Variants in NMBR observed in about 807,000 individuals in gnomAD.
NMBR encodes neuromedin B receptor, also known as neuromedin-B receptor.
NMBR carries 16 observed loss-of-function variants against 20.5 expected under a neutral mutation model. That is an observed-to-expected ratio of 0.78 (90% CI 0.53 to 1.19). NMBR has a LOEUF of 1.19. Ranked by LOEUF, NMBR falls within the 50% of genes most tolerant of loss-of-function variation. NMBR has a pLI of 0.00. For synonymous variants in NMBR, 212 were observed against 196.6 expected, an observed-to-expected ratio of 1.08 and a Z score of -0.65; for missense variants, 582 against 499.1, an observed-to-expected ratio of 1.17 and a Z score of -1.58.
chr6:142,086,475 C>G (rs1777202506), intron 2 of NMBR, among the ~76,000 whole-genome samples: 2 of 152,054 alleles, frequency 1.3e-5, no homozygotes, highest in Admixed American at 6.5e-5. Flanking sequence ...CAATATATAA[C>G]AAACCATTTC....
At chr6:142,145,198 G>A (rs1378899119) in intron 1 of NMBR, among the ~76,000 whole-genome samples, 1 of 152,120 alleles carries the variant, frequency 6.6e-6, no homozygotes. Flanking sequence ...ATGAATGTAT[G>A]CAAATGAGAA....
At chr6:142,134,301 T>C (rs1157752631) in intron 1 of NMBR, among the ~76,000 whole-genome samples, 1 of 152,188 alleles carries the variant, frequency 6.6e-6, no homozygotes, top group Non-Finnish European at 1.5e-5. Context: ...TAAAATAAAC[T>C]ACTTCATCAT....
intron 1 of NMBR, among the ~76,000 whole-genome samples, chr6:142,093,866 C>A (rs1777386807): frequency 6.6e-6 from 1 of 152,080 alleles, no homozygotes; most frequent in South Asian, 2.1e-4. Flanking sequence ...GAGATGGTAT[C>A]TCCTTGTGGT....
At chr6:142,110,006 G>A (rs1287144032) in intron 1 of NMBR, among the ~76,000 whole-genome samples, 8 of 152,092 alleles carry the variant, frequency 5.3e-5, no homozygotes, top group Non-Finnish European at 1.2e-4. Context: ...TCAGTCTAAG[G>A]TATTTTGTTA....
intron 1 of NMBR, among the ~76,000 whole-genome samples, chr6:142,132,211 C>G (rs1428436194): frequency 6.6e-6 from 1 of 152,080 alleles, no homozygotes; most frequent in Non-Finnish European, 1.5e-5. Flanking sequence ...TTTGGCAGAT[C>G]ACAAGAAAAT....
At chr6:142,138,675 T>G (rs1778314328) in intron 1 of NMBR, among the ~76,000 whole-genome samples, 1 of 152,178 alleles carries the variant, frequency 6.6e-6, no homozygotes, top group South Asian at 2.1e-4. Context: ...ACCCCTTGAT[T>G]GCCTGCATTC....
chr6:142,142,351 T>C (rs1778374175), intron 1 of NMBR, among the ~76,000 whole-genome samples: 1 of 152,194 alleles, frequency 6.6e-6, no homozygotes, highest in African/African-American at 2.4e-5. Flanking sequence ...AATGTTGATA[T>C]TAAAAATTCT....
At chr6:142,144,104 G>A (rs1455768733) in intron 1 of NMBR, among the ~76,000 whole-genome samples, 2 of 152,208 alleles carry the variant, frequency 1.3e-5, no homozygotes, top group African/African-American at 4.8e-5. Context: ...GGCGGATGGG[G>A]TGGCAAATGG....
intron 1 of NMBR, among the ~76,000 whole-genome samples, chr6:142,144,659 A>G (rs1201286021): frequency 1.3e-5 from 2 of 152,168 alleles, no homozygotes; most frequent in African/African-American, 2.4e-5. Flanking sequence ...CACAGTCATT[A>G]ATATTTGTTT....
At chr6:142,083,249 T>C (rs560104501) in intron 2 of NMBR, among the ~76,000 whole-genome samples, 42 of 152,332 alleles carry the variant, frequency 2.8e-4, no homozygotes, top group Admixed American at 9.8e-4. Flanking sequence ...GTGCAGAAAC[T>C]ACAATTGATT....
At chr6:142,107,674 A>G (rs1334337151) in intron 1 of NMBR, among the ~76,000 whole-genome samples, 1 of 152,202 alleles carries the variant, frequency 6.6e-6, no homozygotes, top group Non-Finnish European at 1.5e-5. Context: ...ATTATGAAAC[A>G]TACAATGAAA....
chr6:142,141,587 C>G (rs1778362575), intron 1 of NMBR, among the ~76,000 whole-genome samples: 1 of 151,402 alleles, frequency 6.6e-6, no homozygotes, highest in Non-Finnish European at 1.5e-5. Flanking sequence ...TCACTGCAAC[C>G]TCTGCATCCT....
At chr6:142,116,695 G>T (rs974324254) in intron 1 of NMBR, among the ~76,000 whole-genome samples, 2 of 151,818 alleles carry the variant, frequency 1.3e-5, no homozygotes, top group African/African-American at 4.8e-5. Flanking sequence ...TTTTTAGCCA[G>T]GTATTATTTA....
chr6:142,076,362 TAA>T (rs1315137442), intron 3 of NMBR, among the ~76,000 whole-genome samples: 6 of 152,294 alleles, frequency 3.9e-5, no homozygotes, highest in Admixed American at 3.9e-4. Flanking sequence ...AACATAAATA[TAA>T]GTCATTTCTG....
intron 1 of NMBR, among the ~76,000 whole-genome samples, chr6:142,129,274 G>C (rs1231250577): frequency 6.6e-6 from 1 of 152,012 alleles, no homozygotes. Context: ...ACTAATAGTA[G>C]TAGTAGTAAA....
chr6:142,141,645 C>T (rs1582867348), intron 1 of NMBR, among the ~76,000 whole-genome samples: 2 of 150,976 alleles, frequency 1.3e-5, no homozygotes, highest in African/African-American at 4.9e-5. Context: ...GCTGGGATTA[C>T]AGGCACCCGC....
rs377186062 is a variant in NMBR, at chr6:142,125,871, C to CTG, written c.-664+21171_-664+21172dup. Among the ~76,000 whole-genome samples the CTG allele has an allele frequency of 4.0e-3, 598 of 150,474 alleles. 2 individuals carry two copies. The highest frequency in any genetic ancestry group is 0.013 in the African/African-American group (545 of 40,908). On this transcript the variant is annotated intron_variant, in intron 1 of 3. Transcript: ENST00000258042. ...TTATCTTTGTGTGTGTGATAATTAC[C>CTG]TGTGTGTGTGTGTGTGAACATATTC... is the stretch of plus-strand genomic sequence containing the variant.
intron 1 of NMBR, among the ~76,000 whole-genome samples, chr6:142,116,998 C>T (rs956477637): frequency 2.6e-5 from 4 of 151,878 alleles, no homozygotes; most frequent in Admixed American, 2.6e-4. Flanking sequence ...TTATTAAAAA[C>T]TTGTAGCACC....
intron 1 of NMBR, among the ~76,000 whole-genome samples, chr6:142,095,792 T>G (rs1777438063): frequency 6.6e-6 from 1 of 152,190 alleles, no homozygotes; most frequent in Admixed American, 6.5e-5. Context: ...TGGACTTTTT[T>G]TGGTTGGTAA....
Sources: gnomAD v4.1 joint callset for allele counts (sites outside exome capture counted in the v4.1 genomes callset) on GRCh38, gnomAD v4.1.1 for gene constraint, MANE v1.5 for transcripts, NCBI Gene and HGNC (gene_info 2026-07-23, HGNC 2026-07-21) for gene names.